GPC5: variants seen among roughly 807,000 people sequenced by gnomAD.
GPC5 encodes the protein glypican-5.
GPC5 carries 47 observed loss-of-function variants against 53.9 expected under a neutral mutation model. The observed-to-expected ratio is 0.87, with a 90% CI of 0.69 to 1.11. GPC5 has a LOEUF of 1.11. GPC5 is among the 50% of genes most tolerant of loss of function. The pLI is 0.00. For missense variants in GPC5, 748 were observed against 713.1 expected (o/e 1.05, Z -0.56); for synonymous variants, 286 against 263.3 (o/e 1.09, Z -0.84).
intron 7 of GPC5, among the ~76,000 whole-genome samples, chr13:92,493,247 C>A (rs970891963): frequency 1.3e-5 from 2 of 152,162 alleles, no homozygotes; most frequent in African/African-American, 4.8e-5. Flanking sequence ...GAGGGACAAG[C>A]ATTAAATATT....
intron 2 of GPC5, among the ~76,000 whole-genome samples, chr13:91,571,017 C>T (rs1463304640): frequency 6.6e-6 from 1 of 152,018 alleles, no homozygotes; most frequent in African/African-American, 2.4e-5. Flanking sequence ...GCTGTATCTC[C>T]CTTGTCTGAT....
intron 7 of GPC5, among the ~76,000 whole-genome samples, chr13:92,555,979 A>G (rs1472473144): frequency 6.6e-6 from 1 of 151,620 alleles, no homozygotes; most frequent in Non-Finnish European, 1.5e-5. Context: ...GAAGAATAAT[A>G]TAAGTAATCT....
chr13:92,322,590 G>A (rs551706757), intron 7 of GPC5, among the ~76,000 whole-genome samples: 5 of 152,026 alleles, frequency 3.3e-5, no homozygotes, highest in South Asian at 2.1e-4. Context: ...GTCTATAGAC[G>A]AACTGAAATG....
chr13:92,335,863 T>C (rs2043318885), intron 7 of GPC5, among the ~76,000 whole-genome samples: 1 of 152,130 alleles, frequency 6.6e-6, no homozygotes, highest in Non-Finnish European at 1.5e-5. Flanking sequence ...ATTCAACAAG[T>C]CTCTAGGAAG....
At chr13:91,717,230 T>C (rs2036357859) in intron 3 of GPC5, among the ~76,000 whole-genome samples, 1 of 152,252 alleles carries the variant, frequency 6.6e-6, no homozygotes, top group African/African-American at 2.4e-5. Flanking sequence ...AAGTGTAGGA[T>C]ACTCAAAGTG....
intron 7 of GPC5, among the ~76,000 whole-genome samples, chr13:92,155,422 G>A (rs61966458): frequency 0.013 from 1,922 of 152,116 alleles, 17 homozygotes; most frequent in Non-Finnish European, 0.021. Context: ...AATGTATTTT[G>A]TGTTGGTAGC....
At chr13:92,593,062 G>A (rs1031766910) in intron 7 of GPC5, among the ~76,000 whole-genome samples, 3 of 151,224 alleles carry the variant, frequency 2.0e-5, no homozygotes, top group South Asian at 2.1e-4. Flanking sequence ...AGTGAATGAG[G>A]TTGAGGGATG....
At chr13:92,744,236 A>G (rs1639871161) in intron 7 of GPC5, among the ~76,000 whole-genome samples, 1 of 152,042 alleles carries the variant, frequency 6.6e-6, no homozygotes, top group South Asian at 2.1e-4. Flanking sequence ...GGTTTGGAAA[A>G]AAAAAATATG....
intron 7 of GPC5, among the ~76,000 whole-genome samples, chr13:92,405,279 G>A (rs1165005854): frequency 6.6e-6 from 1 of 152,126 alleles, no homozygotes; most frequent in Non-Finnish European, 1.5e-5. Context: ...GGACAATGTA[G>A]ACACACCAAT....
intron 7 of GPC5, among the ~76,000 whole-genome samples, chr13:92,601,554 CAAAAAAAAA>C (rs57333686): frequency 3.0e-5 from 2 of 67,402 alleles, no homozygotes; most frequent in East Asian, 9.1e-4. Flanking sequence ...GACTCCATCT[CAAAAAAAAA>C]AAAAAAAAAA....
chr13:91,728,922 G>T (rs893344882), intron 4 of GPC5, among the ~76,000 whole-genome samples: 1 of 152,086 alleles, frequency 6.6e-6, no homozygotes, highest in Non-Finnish European at 1.5e-5. Flanking sequence ...CATATTGGGG[G>T]CCCTGGGCAC....
At chr13:91,686,922 A>G (rs2035635221) in intron 2 of GPC5, among the ~76,000 whole-genome samples, 1 of 151,986 alleles carries the variant, frequency 6.6e-6, no homozygotes, top group African/African-American at 2.4e-5. Flanking sequence ...TTTCTCTTCA[A>G]TCAGATATAC....
intron 7 of GPC5, among the ~76,000 whole-genome samples, chr13:92,658,765 G>A (rs1566347501): frequency 1.3e-5 from 2 of 152,030 alleles, no homozygotes; most frequent in South Asian, 4.2e-4. Context: ...GAAAAGTCAT[G>A]TAATCCAGAG....
intron 6 of GPC5, among the ~76,000 whole-genome samples, chr13:92,020,683 C>CT (rs71113782): frequency 0.79 from 111,695 of 140,652 alleles, 46,479 homozygotes; most frequent in East Asian, 0.95. Flanking sequence ...TTAGTTTATT[C>CT]TTTTTTTTTT....
At chr13:91,744,805 G>C (rs1265390246) in intron 4 of GPC5, among the ~76,000 whole-genome samples, 1 of 152,056 alleles carries the variant, frequency 6.6e-6, no homozygotes, top group Non-Finnish European at 1.5e-5. Flanking sequence ...GAATATTCAA[G>C]ATTTGACCTA....
intron 2 of GPC5, among the ~76,000 whole-genome samples, chr13:91,691,524 G>GT (rs2035757518): frequency 6.6e-6 from 1 of 152,074 alleles, no homozygotes; most frequent in African/African-American, 2.4e-5. Flanking sequence ...CGATGCACAG[G>GT]TAACACATGA....
chr13:92,060,799 A>C (rs919945981), intron 6 of GPC5, among the ~76,000 whole-genome samples: 1 of 152,022 alleles, frequency 6.6e-6, no homozygotes, highest in African/African-American at 2.4e-5. Context: ...TTGAGAATAG[A>C]AATTATTAAA....
chr13:92,610,875 C>T (rs1056105164), intron 7 of GPC5, among the ~76,000 whole-genome samples: 73 of 151,428 alleles, frequency 4.8e-4, no homozygotes, highest in Non-Finnish European at 1.2e-4. Context: ...CCTGGTCTCT[C>T]CCATTGACAC....
chr13:91,563,716 T>C (rs1475281870), intron 2 of GPC5, among the ~76,000 whole-genome samples: 2 of 152,158 alleles, frequency 1.3e-5, no homozygotes, highest in Non-Finnish European at 2.9e-5. Context: ...GTAATCCTTA[T>C]TTCTGTTGAT....
Sources: gnomAD v4.1 joint callset for allele counts (sites outside exome capture counted in the v4.1 genomes callset) on GRCh38, gnomAD v4.1.1 for gene constraint, MANE v1.5 for transcripts, NCBI Gene and HGNC (gene_info 2026-07-23, HGNC 2026-07-21) for gene names.